Variants in LRP1 observed in about 807,000 individuals in gnomAD.
LRP1 encodes the protein prolow-density lipoprotein receptor-related protein 1.
Under a neutral mutation model 541.5 loss-of-function variants are expected in LRP1, and 51 were observed. That is an observed-to-expected ratio of 0.09 (90% CI 0.08 to 0.12). The LOEUF (loss-of-function observed/expected upper bound fraction) is 0.12, where lower values mean the gene tolerates loss of function less well. Ranked by LOEUF, LRP1 falls within the 10% of genes least tolerant of loss-of-function variation. The probability of loss-of-function intolerance (pLI) is 1.00; values close to 1 mark genes in which losing one functional copy is unlikely to be tolerated. For missense variants in LRP1, 3,878 were observed against 6,376.2 expected (o/e 0.61, Z 13.34); for synonymous variants, 2,219 against 2,470.8 (o/e 0.90, Z 3.02).
In LRP1 at chr12:57,162,076, G is replaced by A. The variant is rs1170294879; in HGVS notation, c.2203-241G>A. On this transcript the variant is annotated intron_variant, in intron 13 of 88. Transcript: ENST00000243077. This position sits in a 1 kb window ranked among gnomAD's most constrained non-coding sequence, Gnocchi z 5.2. ...TGAATGAATAGGAATGAGCCCAGGA[G>A]AGGACCATATGGACAACCTCACCAT... is the stretch of plus-strand genomic sequence containing the variant. 2.0e-5 allele frequency among the ~76,000 whole-genome samples: 3 copies of A among 152,088 alleles called. No individual in the cohort carries two copies. The highest frequency in any genetic ancestry group is 2.9e-5 in the Non-Finnish European group (2 of 68,018).
At position 57,128,950 on chromosome 12, in the gene LRP1, G is replaced by T; in HGVS notation, c.-15G>T. On this transcript the variant is annotated 5_prime_UTR_variant, in exon 1 of 89. Coordinates refer to ENST00000243077, the MANE Select transcript of LRP1 (RefSeq NM_002332.3). ...ACCAGAGGGGAAGGGGCTGCTGCTT[G>T]CATCAGCCCACACCATGCTGACCCC... The T allele has an allele frequency of 1.3e-6, 2 of 1,541,684 alleles. No individual in the cohort carries two copies. The highest frequency in any genetic ancestry group is 2.5e-5 in the East Asian group (1 of 40,568).
In LRP1 at chr12:57,197,085, C is replaced by A; in HGVS notation, c.8996C>A (p.Thr2999Asn). ...CCCTGCAGCCAGCGCTGCATCAACA[C>A]TCATGGCAGCTATAAGTGTCTGTGT... Reference protein sequence around the residue: ...TFPCSQRCINTHGSYKCLCVE... With the variant: ...TFPCSQRCINNHGSYKCLCVE... The change falls in exon 56 of 89, where the codon ACT (threonine) becomes AAT (asparagine). Residue 2999 changes from threonine to asparagine, a missense_variant. This residue lies in a region of LRP1 where 1,100 missense variants were observed against 1,827.4 expected (regional missense o/e 0.60). Transcript: ENST00000243077. The surrounding 1 kb of genome is among the most constrained non-coding windows in gnomAD (Gnocchi z 4.5). 6.2e-7 allele frequency: 1 copy of A among 1,614,120 alleles called. No homozygotes were observed. The highest frequency in any genetic ancestry group is 8.5e-7 in the Non-Finnish European group (1 of 1,179,986).
chr12:57,130,463 G>A (rs1276486673), intron 1 of LRP1, among the ~76,000 whole-genome samples: 1 of 151,226 alleles, frequency 6.6e-6, no homozygotes, highest in Non-Finnish European at 1.5e-5. Flanking sequence ...GGAGGAGAGG[G>A]GCTTTTCCTG....
At chr12:57,145,166 G>C (rs1592606812) in intron 5 of LRP1, 61 bp from the exon 6 acceptor site, 2 of 1,613,150 alleles carry the variant, frequency 1.2e-6, no homozygotes, top group Non-Finnish European at 1.7e-6. Flanking sequence ...CTGGTGGGTG[G>C]TGGCCTGAGA....
intron 6 of LRP1, chr12:57,149,232 AG>A (rs760406690): frequency 2.3e-6 from 1 of 439,646 alleles, no homozygotes; most frequent in Non-Finnish European, 4.0e-6. Flanking sequence ...ATGGGATGCC[AG>A]GCTGTTTGGG....
intron 44 of LRP1, among the ~76,000 whole-genome samples, chr12:57,192,051 CCACACAG>C (rs1342916934): frequency 6.9e-6 from 1 of 145,070 alleles, no homozygotes; most frequent in East Asian, 2.1e-4. Context: ...CACACACACA[CCACACAG>C]CACACACACA....
Position 57,154,759 on chromosome 12 carries a change from GAGGGGGGAAGCCTCTGT to G in LRP1, c.1227+64_1227+80del, listed in dbSNP as rs1470613137. 1.4e-6 allele frequency: 2 copies of G among 1,467,276 alleles called. No homozygotes were observed. The highest frequency in any genetic ancestry group is 2.8e-5 in the African/African-American group (2 of 71,314). The allele number at this position is 1,467,276 out of a possible 1,614,324, so 90.9% of individuals were successfully genotyped here. On this transcript the variant is annotated intron_variant, in intron 8 of 88. Coordinates refer to ENST00000243077, the MANE Select transcript of LRP1 (RefSeq NM_002332.3). The surrounding 1 kb of genome is among the most constrained non-coding windows in gnomAD (Gnocchi z 4.6). ...GAACCATGATCCAGGGCCTTCTGGT[GAGGGGGGAAGCCTCTGT>G]AGGGGAACCGTTCTCTGAGTCTCCT...
chr12:57,179,157 CTG>C lies in LRP1; in HGVS notation c.4738+139_4738+140del. ...ATAGGAGAGGCTCCAGAGACAGCCA[CTG>C]TGAGAAGGGGCTGCAGGTCTGCCAG... On this transcript the variant is annotated intron_variant, in intron 28 of 88. Coordinates refer to ENST00000243077, the MANE Select transcript of LRP1 (RefSeq NM_002332.3). The surrounding 1 kb of genome is among the most constrained non-coding windows in gnomAD (Gnocchi z 6.8). 1 of 1,339,422 alleles carries C rather than the reference CTG, an allele frequency of 7.5e-7. No homozygotes were observed. Among genetic ancestry groups the C allele is most frequent in the South Asian group, 1.4e-5 (1 of 70,766 alleles). 83.0% of individuals were successfully genotyped at this position (1,339,422 alleles called of 1,614,324 possible).
intron 19 of LRP1, 118 bp from the exon 20 acceptor site, chr12:57,169,021 AG>A: frequency 1.4e-6 from 1 of 730,650 alleles, no homozygotes. Context: ...TTATTTTCCC[AG>A]TGGGGGGGTT....
In LRP1 at chr12:57,201,926, A is replaced by G. The variant is rs751765485; in HGVS notation, c.10594+21A>G. 3.1e-6 allele frequency: 5 copies of G among 1,613,396 alleles called. No homozygotes were observed. The South Asian group carries it at 4.4e-5, about 14-fold the overall frequency. The stretch of plus-strand genomic sequence containing the variant: ...GTGTGGTGAGCCGAGACCCCACTCC[A>G]GGAGGAAGACAGTCTACCTGGGTGG... On this transcript the variant is annotated intron_variant, in intron 67 of 88. Coordinates refer to ENST00000243077, the MANE Select transcript of LRP1 (RefSeq NM_002332.3). This position sits in a 1 kb window ranked among gnomAD's most constrained non-coding sequence, Gnocchi z 6.4.
chr12:57,156,416 GC>G lies in LRP1; in HGVS notation c.1417+135del. ...TTTCATGTCATGACCGATTCTCCTA[GC>G]CAGCCACTCGGGCTACCTGCCCTGG... On this transcript the variant is annotated intron_variant, in intron 9 of 88. Coordinates refer to ENST00000243077, the MANE Select transcript of LRP1 (RefSeq NM_002332.3). The surrounding 1 kb of genome is among the most constrained non-coding windows in gnomAD (Gnocchi z 5.2). 1 of 970,048 alleles carries G rather than the reference GC, an allele frequency of 1.0e-6. No homozygotes were observed. The highest frequency in any genetic ancestry group is 1.5e-6 in the Non-Finnish European group (1 of 673,822). 60.1% of individuals were successfully genotyped at this position (970,048 alleles called of 1,614,324 possible). A position where few individuals can be genotyped will look rare whatever the true frequency, so the allele number is the denominator to read the frequency against.
chr12:57,205,180 T>A lies in LRP1; in HGVS notation c.11266T>A (p.Ser3756Thr). The A allele has an allele frequency of 6.2e-7, 1 of 1,613,832 alleles. No homozygotes were observed. Among genetic ancestry groups the A allele is most frequent in the Non-Finnish European group, 8.5e-7 (1 of 1,179,966 alleles). The change falls in exon 73 of 89, where the codon TCC (serine) becomes ACC (threonine). Residue 3756 changes from serine to threonine, a missense_variant. This residue lies in a region of LRP1 where 871 missense variants were observed against 1,212.4 expected (regional missense o/e 0.72). Transcript: ENST00000243077. This position sits in a 1 kb window ranked among gnomAD's most constrained non-coding sequence, Gnocchi z 4.6. The part of the protein sequence containing the change: ...EFLCRNQRCL[S>T]SSLRCNMFDD... ...TCTGTGCCGGAACCAGCGCTGCCTC[T>A]CCTCCTCCCTGCGCTGCAACATGTT...
At chr12:57,174,063 C>A in intron 22 of LRP1, 83 bp downstream of exon 22, 1 of 1,404,772 alleles carries the variant, frequency 7.1e-7, no homozygotes, top group South Asian at 1.2e-5. Context: ...GGACCTGAGT[C>A]TAGGAGAGAG....
In LRP1 at chr12:57,204,134, C is replaced by G. The variant is rs1222085796; in HGVS notation, c.10952-276C>G. On this transcript the variant is annotated intron_variant, in intron 70 of 88. Transcript: ENST00000243077. The surrounding 1 kb of genome is among the most constrained non-coding windows in gnomAD (Gnocchi z 5.3). ...ACAGCCCAGTGCTGTTCCCACGTCC[C>G]CGCTGTGGAACTACACAGCACAGTG... 2 of 350,356 alleles carry G rather than the reference C, an allele frequency of 5.7e-6. No homozygotes were observed. Among genetic ancestry groups the G allele is most frequent in the Non-Finnish European group, 1.0e-5 (2 of 193,428 alleles). The allele number at this position is 350,356 out of a possible 1,614,324, so 21.7% of individuals were successfully genotyped here.
intron 79 of LRP1, 125 bp downstream of exon 79, chr12:57,209,324 C>T (rs181359066): frequency 6.0e-5 from 48 of 801,158 alleles, no homozygotes; most frequent in African/African-American, 5.1e-4. Flanking sequence ...AATGCTGCAG[C>T]GCCTTCCAGG....
Position 57,200,826 on chromosome 12 carries a change from GCC to G in LRP1, c.10225+13_10225+14del. The G allele has an allele frequency of 1.3e-6, 2 of 1,581,420 alleles. No individual in the cohort carries two copies. The highest frequency in any genetic ancestry group is 8.6e-7 in the Non-Finnish European group (1 of 1,157,668). On this transcript the variant is annotated intron_variant, in intron 64 of 88. Coordinates refer to ENST00000243077, the MANE Select transcript of LRP1 (RefSeq NM_002332.3). ...ACGAGGCCAACTGTGGTAAGGCGCT[GCC>G]CGCCCACCCTCCCTCCTTCCCCAGC...
chr12:57,180,542 C>A (rs2036143235), intron 32 of LRP1, 63 bp downstream of exon 32: 1 of 1,607,882 alleles, frequency 6.2e-7, no homozygotes, highest in East Asian at 2.2e-5. Context: ...TACTGGGAGA[C>A]AGGGGCTGGC....
rs2035988900 is a variant in LRP1 at position 57,173,739 on chromosome 12, A to G, written c.3347-41A>G. On this transcript the variant is annotated intron_variant, in intron 21 of 88. Transcript: ENST00000243077. This position sits in a 1 kb window ranked among gnomAD's most constrained non-coding sequence, Gnocchi z 4.7. ...TGGAAGGAAGGGCAGGGGGAGCCCCAGTCCCCGGGCCTGGGCCCTCATAGT... is the reference window on the plus strand; with the variant it reads ...TGGAAGGAAGGGCAGGGGGAGCCCCGGTCCCCGGGCCTGGGCCCTCATAGT... 6.2e-7 allele frequency: 1 copy of G among 1,602,708 alleles called. No homozygotes were observed. The highest frequency in any genetic ancestry group is 1.7e-5 in the Admixed American group (1 of 59,994).
intron 2 of LRP1, among the ~76,000 whole-genome samples, chr12:57,138,829 G>T (rs2035228943): frequency 6.6e-6 from 1 of 152,176 alleles, no homozygotes; most frequent in African/African-American, 2.4e-5. Flanking sequence ...AGTGTTCTCT[G>T]GGCTGACAGC....
Sources: gnomAD v4.1 joint callset for allele counts (sites outside exome capture counted in the v4.1 genomes callset) on GRCh38, gnomAD v4.1.1 for gene constraint, gnomAD v4.1.1 regional missense constraint, Gnocchi (gnomAD v3.1) non-coding constraint, MANE v1.5 for transcripts, NCBI Gene and HGNC (gene_info 2026-07-23, HGNC 2026-07-21) for gene names.